The following ZNF846 variants were observed in gnomAD, a reference collection of about 807,000 sequenced individuals.
ZNF846 encodes zinc finger protein 420 pseudogene.
A neutral mutation model predicts 16.0 loss-of-function variants in ZNF846; 15 were observed. The observed-to-expected ratio is 0.94, with a 90% CI of 0.63 to 1.45. The LOEUF (loss-of-function observed/expected upper bound fraction) is 1.45. Ranked by LOEUF, ZNF846 falls within the 40% of genes most tolerant of loss-of-function variation. ZNF846 has a pLI of 0.00. For synonymous variants in ZNF846, 229 were observed against 212.0 expected, an observed-to-expected ratio of 1.08 and a Z score of -0.70; for missense variants, 714 against 622.3, an observed-to-expected ratio of 1.15 and a Z score of -1.57.
chr19:9,758,296 T>C lies in ZNF846; in HGVS notation c.781A>G (p.Lys261Glu), dbSNP rs775270121. Residue 261 changes from lysine to glutamate, a missense_variant, in exon 6 of 6, where the codon AAA becomes GAA. Transcript: ENST00000397902. ...AGTCCTGTGGATTGAGTGAAAGCTT[T>C]ACCACATTCTTTACAGACATAGGGC... 4.3e-6 allele frequency: 7 copies of C among 1,613,590 alleles called. No individual in the cohort carries two copies. The South Asian group carries it at 6.6e-5, about 15-fold the overall frequency.
intron 1 of ZNF846, among the ~76,000 whole-genome samples, chr19:9,779,357 C>T (rs1248597479): frequency 6.6e-6 from 1 of 152,136 alleles, no homozygotes; most frequent in Non-Finnish European, 1.5e-5. Flanking sequence ...CAACCTCCGC[C>T]TCCCGGGTTC....
chr19:9,772,369 G>A (rs146156962), upstream of ZNF846, among the ~76,000 whole-genome samples: 474 of 152,242 alleles, frequency 3.1e-3, 4 homozygotes, highest in African/African-American at 0.011. Context: ...GGAGGCCGAG[G>A]TGAGTGGGTC....
upstream of ZNF846, among the ~76,000 whole-genome samples, chr19:9,771,227 C>T (rs1258376423): frequency 6.6e-6 from 1 of 151,964 alleles, no homozygotes; most frequent in Non-Finnish European, 1.5e-5. Context: ...TTCTGTTGCC[C>T]AGGCTGGAGT....
At chr19:9,758,849 T>G (rs2045177728) in intron 5 of ZNF846, 85 bp from the exon 6 acceptor site, 1 of 1,061,140 alleles carries the variant, frequency 9.4e-7, no homozygotes, top group African/African-American at 1.6e-5. Context: ...ATATATGCAT[T>G]GGAAATATAT....
In ZNF846 at chr19:9,778,292, T is replaced by C. The variant is rs1446088779; in HGVS notation, c.-86+7646A>G. Among the ~76,000 whole-genome samples the C allele has an allele frequency of 2.6e-5, 4 of 152,046 alleles. No homozygotes were observed. The East Asian group carries it at 7.7e-4, about 29-fold the overall frequency. On this transcript the variant is annotated intron_variant, in intron 1 of 4. Transcript: ENST00000586814. ...GAGCTAAAAAATACAATAATTAAAA[T>C]GAAAAATTCACTACAGGGATTCAAA...
exon 6 of ZNF846, chr19:9,758,430 T>C: frequency 6.2e-7 from 1 of 1,613,070 alleles, no homozygotes; most frequent in Non-Finnish European, 8.5e-7. Flanking sequence ...AGATCTTATA[T>C]GTAACTTAAG....
intron 2 of ZNF846, chr19:9,764,679 T>C (rs1423225087): frequency 2.0e-5 from 10 of 508,598 alleles, no homozygotes; most frequent in Non-Finnish European, 3.2e-5. Flanking sequence ...CTATTATTTC[T>C]CAACCTGCCA....
chr19:9,777,153 A>G (rs577885145), intron 1 of ZNF846, among the ~76,000 whole-genome samples: 10 of 142,574 alleles, frequency 7.0e-5, no homozygotes, highest in South Asian at 2.1e-4. Flanking sequence ...ACACACGCAC[A>G]CACACACACA....
chr19:9,786,022 C>G (rs1331461809), exon 1 of ZNF846: 2 of 151,878 alleles, frequency 1.3e-5, no homozygotes, highest in African/African-American at 4.8e-5. Flanking sequence ...ACGCGCACTT[C>G]TGATTCCGCT....
chr19:9,774,391 C>T (rs1459398014), intron 1 of ZNF846: 10 of 552,140 alleles, frequency 1.8e-5, no homozygotes, highest in Non-Finnish European at 3.0e-5. Context: ...TGGCGTGAAC[C>T]CGGGAGGTGG....
chr19:9,762,709 T>C (rs1302159304), intron 3 of ZNF846, among the ~76,000 whole-genome samples: 5 of 152,186 alleles, frequency 3.3e-5, no homozygotes, highest in Non-Finnish European at 2.9e-5. Flanking sequence ...TGGGCCACAC[T>C]GGAAGAAGAA....
exon 4 of ZNF846, chr19:9,762,119 C>T: frequency 6.2e-7 from 1 of 1,614,108 alleles, no homozygotes; most frequent in African/African-American, 1.3e-5. Flanking sequence ...TCAGCTCTTC[C>T]ATTTGTTCCA....
chr19:9,761,988 C>T (rs2045238476), intron 4 of ZNF846, 94 bp downstream of exon 4: 1 of 1,028,990 alleles, frequency 9.7e-7, no homozygotes, highest in African/African-American at 1.6e-5. Flanking sequence ...AAGAGTATAC[C>T]CTGAGAAGTT....
chr19:9,785,016 T>C (rs2045543200), intron 1 of ZNF846, among the ~76,000 whole-genome samples: 1 of 152,154 alleles, frequency 6.6e-6, no homozygotes, highest in African/African-American at 2.4e-5. Flanking sequence ...AGTAACAGTC[T>C]GATCTCTCTT....
upstream of ZNF846, among the ~76,000 whole-genome samples, chr19:9,769,227 G>T (rs569097528): frequency 6.6e-6 from 1 of 152,038 alleles, no homozygotes; most frequent in African/African-American, 2.4e-5. Context: ...TTGGACCACA[G>T]TTGGGCCCAT....
rs532933973 is a variant in ZNF846, at chr19:9,764,924, C to T, written c.15+12G>A. On this transcript the variant is annotated intron_variant, in intron 2 of 5. Coordinates refer to ENST00000397902, the Ensembl canonical transcript of ZNF846. ...GCATAACATTTTGAAGTTAGGTCTG[C>T]TTTCCACTTGCCTGAGAAGAATCCA... 2.5e-6 allele frequency: 4 copies of T among 1,614,196 alleles called. No homozygotes were observed. In the East Asian group the frequency reaches 6.7e-5, roughly 27 times the overall value.
chr19:9,754,253 T>C (rs2045112286), downstream of ZNF846, among the ~76,000 whole-genome samples: 1 of 151,534 alleles, frequency 6.6e-6, no homozygotes, highest in Non-Finnish European at 1.5e-5. Flanking sequence ...ACTTTCAACC[T>C]TTTTTGTCTT....
At chr19:9,774,809 A>G in intron 1 of ZNF846, 1 of 1,604,028 alleles carries the variant, frequency 6.2e-7, no homozygotes, top group African/African-American at 1.3e-5. Context: ...CGACCAAGTA[A>G]TCCAGTCCCT....
At position 9,773,890 on chromosome 19, in the gene ZNF846, T is replaced by G. The variant is rs181473729; in HGVS notation, c.-85-8855A>C. ...ATTATATATGGAAAGCCCTAGAGAA[T>G]AAAATAATAAGTTAACAGAATGTGA... On this transcript the variant is annotated intron_variant, in intron 1 of 4. Transcript: ENST00000586814. 4.6e-5 allele frequency among the ~76,000 whole-genome samples: 7 copies of G among 152,264 alleles called. No individual in the cohort carries two copies. In the East Asian group the frequency reaches 1.3e-3, roughly 29 times the overall value.
Sources: allele counts gnomAD v4.1 joint callset (sites outside exome capture counted in the v4.1 genomes callset), GRCh38; gene constraint gnomAD v4.1.1; transcripts MANE v1.5; gene names NCBI Gene and HGNC (gene_info 2026-07-23, HGNC 2026-07-21).